The following ETF1 variants were observed in gnomAD, a reference collection of about 807,000 sequenced individuals.
The protein encoded by ETF1 is eukaryotic translation termination factor 1.
In ETF1, 4 loss-of-function variants were observed where a neutral mutation model predicts 55.1. The ratio of observed to expected loss-of-function variants is 0.07; its 90% CI spans 0.04 to 0.17. The LOEUF is 0.17. Ranked by LOEUF, ETF1 falls within the 10% of genes least tolerant of loss-of-function variation. The pLI is 1.00. For missense variants in ETF1, 142 were observed against 523.6 expected, an observed-to-expected ratio of 0.27 and a Z score of 7.11; for synonymous variants, 157 against 182.3, an observed-to-expected ratio of 0.86 and a Z score of 1.12.
intron 2 of ETF1, among the ~76,000 whole-genome samples, chr5:138,537,325 A>C (rs1257838519): frequency 6.6e-6 from 1 of 152,216 alleles, no homozygotes; most frequent in Non-Finnish European, 1.5e-5. Flanking sequence ...CTACAGAATC[A>C]ATGTTTGTAT....
rs1193088694 is a variant in ETF1, at chr5:138,506,231, ATGTG to A, written c.*2070_*2073del. 3.3e-5 allele frequency: 5 copies of A among 152,674 alleles called. No homozygotes were observed. Among genetic ancestry groups the A allele is most frequent in the Non-Finnish European group, 5.9e-5 (4 of 68,040 alleles). 9.5% of individuals were successfully genotyped at this position (152,674 alleles called of 1,614,324 possible). On this transcript the variant is annotated 3_prime_UTR_variant, in exon 11 of 11. Transcript: ENST00000360541. ...TTCACCCCCTCTTATATGTGTTTGT[ATGTG>A]TAAGTGTAATACATATCAATATATA...
intron 2 of ETF1, among the ~76,000 whole-genome samples, chr5:138,540,195 T>C (rs1043151083): frequency 1.3e-5 from 2 of 152,178 alleles, no homozygotes; most frequent in Non-Finnish European, 2.9e-5. Context: ...AACAAATCCA[T>C]GATTCCTATG....
intron 6 of ETF1, among the ~76,000 whole-genome samples, chr5:138,512,471 T>G (rs1028557189): frequency 1.3e-5 from 2 of 151,688 alleles, no homozygotes; most frequent in Non-Finnish European, 2.9e-5. Flanking sequence ...GGTTTTAGTT[T>G]CTTTGAAATC....
chr5:138,532,718 GAGCTATACCAAAAATAAT>G, intron 2 of ETF1, among the ~76,000 whole-genome samples: 1 of 152,136 alleles, frequency 6.6e-6, no homozygotes, highest in East Asian at 1.9e-4. Flanking sequence ...CAGAACAAAA[GAGCTATACCAAAAATAAT>G]ATGGCCAGAA....
At chr5:138,511,403 T>TACACACACACAC in intron 7 of ETF1, 72 bp downstream of exon 7, 5 of 968,112 alleles carry the variant, frequency 5.2e-6, no homozygotes, top group South Asian at 2.3e-5. Flanking sequence ...CACACACACA[T>TACACACACACAC]ACACACACAC....
rs193040884 is a variant in ETF1 at position 138,519,605 on chromosome 5, G to A, written c.87-738C>T. Among the ~76,000 whole-genome samples, 501 of 151,788 alleles carry A rather than the reference G, an allele frequency of 3.3e-3. 8 individuals are homozygous for A. The highest frequency in any genetic ancestry group is 6.8e-3 in the Middle Eastern group (2 of 292). On this transcript the variant is annotated intron_variant, in intron 2 of 10. Transcript: ENST00000360541. ...TTGAATCCGGGAGGCGGAGGTTGCA[G>A]TGAGCCGAGATCATGTCACTGCACT... is the stretch of plus-strand genomic sequence containing the variant.
intron 2 of ETF1, among the ~76,000 whole-genome samples, chr5:138,524,687 C>G (rs1191758521): frequency 6.7e-6 from 1 of 149,730 alleles, no homozygotes; most frequent in Non-Finnish European, 1.5e-5. Flanking sequence ...AAGCAATTCT[C>G]CTGCCTCAGC....
At chr5:138,518,420 C>T (rs971960636) in intron 3 of ETF1, among the ~76,000 whole-genome samples, 4 of 151,976 alleles carry the variant, frequency 2.6e-5, no homozygotes, top group African/African-American at 9.7e-5. Flanking sequence ...ACCATGTTGT[C>T]CAGGCTGGTC....
At chr5:138,523,324 G>A (rs1281983046) in intron 2 of ETF1, among the ~76,000 whole-genome samples, 2 of 151,996 alleles carry the variant, frequency 1.3e-5, no homozygotes, top group African/African-American at 2.4e-5. Flanking sequence ...CCGAGATAGA[G>A]CCACTGCACT....
chr5:138,517,465 T>G, intron 4 of ETF1, 96 bp downstream of exon 4: 7 of 555,054 alleles, frequency 1.3e-5, no homozygotes, highest in Non-Finnish European at 1.5e-5. Flanking sequence ...TTGCCTAGAA[T>G]GAGACAGGTA....
At chr5:138,510,085 T>C (rs2127063033) in intron 9 of ETF1, among the ~76,000 whole-genome samples, 1 of 147,636 alleles carries the variant, frequency 6.8e-6, no homozygotes, top group Middle Eastern at 3.5e-3. Context: ...AGACCGGTCA[T>C]GGTGGCTCAC....
intron 2 of ETF1, chr5:138,541,411 G>T: frequency 1.4e-6 from 1 of 725,422 alleles, no homozygotes; most frequent in East Asian, 2.7e-5. Flanking sequence ...CCAGTAAACC[G>T]AAGGAGTGAG....
chr5:138,517,614 A>G lies in ETF1; in HGVS notation c.349T>C (p.Phe117Leu). ...EKKVNIDFEP[F>L]KPINTSLYLC... ...TACAATGACGTATTAATTGGTTTGA[A>G]AGGTTCAAAGTCAATGTTGACTTTC... The change falls in exon 4 of 11, where the codon TTC (phenylalanine) becomes CTC (leucine). Residue 117 changes from phenylalanine (F) to leucine (L), a missense_variant. Physicochemically the swap from Phe to Leu is conservative, Grantham distance 22. This residue lies in a region of ETF1 where 22 missense variants were observed against 158.7 expected (regional missense o/e 0.14). Transcript: ENST00000360541. 6.3e-7 allele frequency: 1 copy of G among 1,599,104 alleles called. No homozygotes were observed. Among genetic ancestry groups the G allele is most frequent in the South Asian group, 1.1e-5 (1 of 89,510 alleles).
chr5:138,516,148 GA>G (rs1303417401), intron 4 of ETF1, among the ~76,000 whole-genome samples: 1 of 152,264 alleles, frequency 6.6e-6, no homozygotes, highest in African/African-American at 2.4e-5. Context: ...GGAAAGGGGG[GA>G]AAATGAGTTC....
At chr5:138,542,986 C>G in intron 1 of ETF1, 50 bp from the exon 2 acceptor site, 2 of 1,557,044 alleles carry the variant, frequency 1.3e-6, no homozygotes, top group Non-Finnish European at 1.8e-6. Flanking sequence ...AGAGTTAGCG[C>G]CGCCGCTGGG....
chr5:138,512,261 T>TTTTATATATATATATA (rs1561830183), intron 6 of ETF1, among the ~76,000 whole-genome samples: 35 of 17,294 alleles, frequency 2.0e-3, no homozygotes, highest in African/African-American at 7.1e-3. Flanking sequence ...TATATATATT[T>TTTTATATATATATATA]TTTTTTTTTT....
chr5:138,541,728 C>A, intron 2 of ETF1: 2 of 1,144,504 alleles, frequency 1.7e-6, no homozygotes, highest in Non-Finnish European at 1.1e-6. Context: ...AATGCTCAGA[C>A]ATACAAGTAT....
At chr5:138,531,739 A>G (rs1765707724) in intron 2 of ETF1, among the ~76,000 whole-genome samples, 1 of 152,116 alleles carries the variant, frequency 6.6e-6, no homozygotes, top group Admixed American at 6.6e-5. Context: ...CCTGCCTCAC[A>G]AAGCTCAATT....
intron 2 of ETF1, chr5:138,519,374 T>G: frequency 5.0e-6 from 1 of 198,386 alleles, no homozygotes; most frequent in Non-Finnish European, 9.1e-6. Context: ...ATGAAATCTC[T>G]CTCTCTCGGC....
Sources: gnomAD v4.1 joint callset for allele counts (sites outside exome capture counted in the v4.1 genomes callset) on GRCh38, gnomAD v4.1.1 for gene constraint, gnomAD v4.1.1 regional missense constraint, MANE v1.5 for transcripts, NCBI Gene and HGNC (gene_info 2026-07-23, HGNC 2026-07-21) for gene names.